FNDC3B: variants seen among roughly 807,000 people sequenced by gnomAD.
The protein encoded by FNDC3B is fibronectin type III domain-containing protein 3B.
FNDC3B carries 12 observed loss-of-function variants against 151.5 expected under a neutral mutation model. The observed-to-expected ratio is 0.08, with a 90% CI of 0.05 to 0.13. The LOEUF (loss-of-function observed/expected upper bound fraction) is 0.13, where lower values mean the gene tolerates loss of function less well. Among genes scored for constraint, FNDC3B ranks in the 10% least tolerant of loss-of-function variants. The probability of loss-of-function intolerance (pLI) is 1.00; values close to 1 mark genes in which losing one functional copy is unlikely to be tolerated. For synonymous variants in FNDC3B, 528 were observed against 549.0 expected (o/e 0.96, Z 0.54); for missense variants, 1,214 against 1,505.3 (o/e 0.81, Z 3.20).
At chr3:172,069,127 A>G (rs192342383) in intron 1 of FNDC3B, among the ~76,000 whole-genome samples, 528 of 152,212 alleles carry the variant, frequency 3.5e-3, no homozygotes, top group Non-Finnish European at 6.1e-3. Flanking sequence ...TTCTGCTGCA[A>G]AACGTTGCTG....
At chr3:172,319,695 TGTTAGGA>T (rs1449243957) in intron 11 of FNDC3B, among the ~76,000 whole-genome samples, 69 of 152,312 alleles carry the variant, frequency 4.5e-4, no homozygotes, top group Non-Finnish European at 5.4e-4. Flanking sequence ...CCTCCCTCCC[TGTTAGGA>T]GCCTCTTATA....
chr3:172,164,209 G>A (rs1320515319), intron 3 of FNDC3B, among the ~76,000 whole-genome samples: 1 of 151,976 alleles, frequency 6.6e-6, no homozygotes, highest in Non-Finnish European at 1.5e-5. Context: ...GTTTTATCTG[G>A]CCTTACACAT....
intron 23 of FNDC3B, 124 bp from the exon 24 acceptor site, chr3:172,378,146 A>C (rs887820245): frequency 1.5e-6 from 1 of 686,756 alleles, no homozygotes; most frequent in Non-Finnish European, 2.4e-6. Context: ...GCTGATTATT[A>C]ATTCAGAATG....
At chr3:172,297,735 A>G (rs1305369891) in intron 8 of FNDC3B, among the ~76,000 whole-genome samples, 1 of 151,764 alleles carries the variant, frequency 6.6e-6, no homozygotes, top group Admixed American at 6.6e-5. Context: ...TGGCCTCCCA[A>G]AGTGCTCGGA....
At chr3:172,380,899 G>T in intron 24 of FNDC3B, 67 bp from the exon 25 acceptor site, 2 of 1,553,896 alleles carry the variant, frequency 1.3e-6, no homozygotes, top group East Asian at 2.3e-5. Context: ...CACTAATAGT[G>T]CTAAAGTGTT....
At chr3:172,192,768 G>T (rs1213562164) in intron 3 of FNDC3B, among the ~76,000 whole-genome samples, 1 of 151,900 alleles carries the variant, frequency 6.6e-6, no homozygotes, top group African/African-American at 2.4e-5. Flanking sequence ...TCTTATTGAA[G>T]ATTCTCAGAT....
Position 172,218,134 on chromosome 3 carries a change from GAAAAAAAAAA to G in FNDC3B, c.188-8721_188-8712del, listed in dbSNP as rs57576493. Among the ~76,000 whole-genome samples, 14 of 62,720 alleles carry G rather than the reference GAAAAAAAAAA, an allele frequency of 2.2e-4. No individual in the cohort carries two copies. The East Asian group carries it at 6.5e-3, about 29-fold the overall frequency. 41.1% of individuals were successfully genotyped at this position (62,720 alleles called of 152,430 possible). ...AGAAACGGAGAAGATCGACTTTCAG[GAAAAAAAAAA>G]AAAAAAAAAAAAAAAGGGCTGGTCC... On this transcript the variant is annotated intron_variant, in intron 3 of 25. Transcript: ENST00000415807.
In FNDC3B at chr3:172,346,252, C is replaced by G. The variant is rs1733608245; in HGVS notation, c.2251-75C>G. The G allele has an allele frequency of 1.4e-5, 11 of 771,584 alleles. No homozygotes were observed. The South Asian group carries it at 2.0e-4, about 14-fold the overall frequency. The allele number at this position is 771,584 out of a possible 1,614,324, so 47.8% of individuals were successfully genotyped here. A position where few individuals can be genotyped will look rare whatever the true frequency, so the allele number is the denominator to read the frequency against. On this transcript the variant is annotated intron_variant, in intron 19 of 25. Coordinates refer to ENST00000415807, the MANE Select transcript of FNDC3B (RefSeq NM_022763.4). ...AGCCTAGCTTTTATTTGGTTATAAG[C>G]TTTTGTATGCACACACATTCACAAA...
At chr3:172,092,011 A>G (rs1718861037) in intron 1 of FNDC3B, among the ~76,000 whole-genome samples, 1 of 151,866 alleles carries the variant, frequency 6.6e-6, no homozygotes, top group Non-Finnish European at 1.5e-5. Context: ...TTCTGTGTTC[A>G]TTTCATGACC....
chr3:172,120,149 T>G (rs565330197), intron 2 of FNDC3B, among the ~76,000 whole-genome samples: 1 of 152,334 alleles, frequency 6.6e-6, no homozygotes, highest in South Asian at 2.1e-4. Context: ...TTATGGCAGC[T>G]CTGAGCTGTC....
At chr3:172,136,307 C>T (rs1721360508) in intron 3 of FNDC3B, among the ~76,000 whole-genome samples, 1 of 152,202 alleles carries the variant, frequency 6.6e-6, no homozygotes, top group Admixed American at 6.5e-5. Flanking sequence ...TGGGAATAAG[C>T]TAGGGGCGAG....
chr3:172,199,095 CTGGGATTATAGG>C (rs1353744573), intron 3 of FNDC3B, among the ~76,000 whole-genome samples: 7 of 152,148 alleles, frequency 4.6e-5, no homozygotes, highest in Non-Finnish European at 1.0e-4. Flanking sequence ...TCCCAAAGTG[CTGGGATTATAGG>C]TGTAAGCCAC....
intron 25 of FNDC3B, among the ~76,000 whole-genome samples, chr3:172,393,301 G>A (rs550655618): frequency 6.6e-6 from 1 of 152,116 alleles, no homozygotes; most frequent in Non-Finnish European, 1.5e-5. Flanking sequence ...ATTATATAAT[G>A]ATAAGAGCAT....
chr3:172,362,862 GA>G lies in FNDC3B; in HGVS notation c.3008+18del. Reference sequence around the variant, plus strand: ...AAACAAGAGGTGAGGTGGGGGTGAGGATGCTCCTGAAGCTTCTGTAGCTTTG... The same window carrying G: ...AAACAAGAGGTGAGGTGGGGGTGAGGTGCTCCTGAAGCTTCTGTAGCTTTG... On this transcript the variant is annotated intron_variant, in intron 23 of 25. Transcript: ENST00000415807. The G allele has an allele frequency of 6.3e-7, 1 of 1,589,736 alleles. No homozygotes were observed. The highest frequency in any genetic ancestry group is 8.6e-7 in the Non-Finnish European group (1 of 1,161,222).
At chr3:172,153,592 G>A (rs554740365) in intron 3 of FNDC3B, among the ~76,000 whole-genome samples, 22 of 152,340 alleles carry the variant, frequency 1.4e-4, no homozygotes, top group East Asian at 7.7e-4. Context: ...AGGGGAAAGC[G>A]CCTAACTATT....
intron 6 of FNDC3B, among the ~76,000 whole-genome samples, chr3:172,263,775 G>C (rs1057041236): frequency 4.6e-5 from 7 of 152,068 alleles, no homozygotes; most frequent in African/African-American, 1.7e-4. Flanking sequence ...TAATCTCTGG[G>C]TATAGTGGTC....
intron 14 of FNDC3B, 148 bp downstream of exon 14, chr3:172,333,323 A>G: frequency 1.6e-6 from 1 of 613,156 alleles, no homozygotes; most frequent in Non-Finnish European, 2.9e-6. Flanking sequence ...AGTGTACAAC[A>G]TGCTTTATTT....
intron 6 of FNDC3B, among the ~76,000 whole-genome samples, chr3:172,275,528 C>T (rs1729392279): frequency 6.6e-6 from 1 of 152,160 alleles, no homozygotes; most frequent in Non-Finnish European, 1.5e-5. Flanking sequence ...GGCTTGAAAA[C>T]AATTCAGGAC....
chr3:172,060,125 G>A (rs1401551120), intron 1 of FNDC3B, among the ~76,000 whole-genome samples: 5 of 152,172 alleles, frequency 3.3e-5, no homozygotes, highest in East Asian at 3.8e-4. Context: ...TTTCCCTCCC[G>A]AAGAGAGAAC....
Sources: allele counts gnomAD v4.1 joint callset (sites outside exome capture counted in the v4.1 genomes callset), GRCh38; gene constraint gnomAD v4.1.1; transcripts MANE v1.5; gene names NCBI Gene and HGNC (gene_info 2026-07-23, HGNC 2026-07-21).